Variants in ACTR3B observed in about 807,000 individuals in gnomAD.
ACTR3B encodes actin related protein 3B.
Under a neutral mutation model 59.0 loss-of-function variants are expected in ACTR3B, and 8 were observed. The ratio of observed to expected loss-of-function variants is 0.14; its 90% CI spans 0.08 to 0.24. ACTR3B has a LOEUF of 0.24. ACTR3B is among the 10% of genes least tolerant of loss of function. The pLI is 1.00. For synonymous variants in ACTR3B, 148 were observed against 197.9 expected, an observed-to-expected ratio of 0.75 and a Z score of 2.12; for missense variants, 245 against 552.3, an observed-to-expected ratio of 0.44 and a Z score of 5.58.
At chr7:152,787,410 T>A (rs1166180124) in intron 2 of ACTR3B, among the ~76,000 whole-genome samples, 1 of 152,112 alleles carries the variant, frequency 6.6e-6, no homozygotes, top group East Asian at 1.9e-4. Context: ...ATGACATTTT[T>A]AAAAATTATC....
At chr7:152,841,711 T>C (rs911075705) in intron 9 of ACTR3B, among the ~76,000 whole-genome samples, 4 of 152,184 alleles carry the variant, frequency 2.6e-5, no homozygotes, top group African/African-American at 7.2e-5. Flanking sequence ...TTACAGAACA[T>C]TGAGAAATGA....
chr7:152,822,860 T>A (rs541071892), intron 7 of ACTR3B, among the ~76,000 whole-genome samples: 31 of 152,328 alleles, frequency 2.0e-4, no homozygotes, highest in African/African-American at 7.5e-4. Context: ...CCACCCGGCT[T>A]GTGGCGTGCT....
chr7:152,803,170 T>TG lies in ACTR3B; in HGVS notation c.336+1440dup, dbSNP rs2098242175. ...AGTTGATCCTCCCACCTCAACCACC[T>TG]GAGTAGCTCGGACCACAGGTAGAAG... On this transcript the variant is annotated intron_variant, in intron 4 of 11. Transcript: ENST00000256001. Among the ~76,000 whole-genome samples the TG allele has an allele frequency of 3.3e-5, 5 of 152,194 alleles. No individual in the cohort carries two copies. In the South Asian group the frequency reaches 1.0e-3, roughly 31 times the overall value.
intron 2 of ACTR3B, among the ~76,000 whole-genome samples, chr7:152,796,874 T>G (rs10228113): frequency 0.088 from 7,725 of 87,556 alleles, 174 homozygotes; most frequent in African/African-American, 0.21. Flanking sequence ...TTTTTTTTTT[T>G]TTTTTTTTTT....
At chr7:152,792,961 T>C (rs530060419) in intron 2 of ACTR3B, among the ~76,000 whole-genome samples, 2 of 151,748 alleles carry the variant, frequency 1.3e-5, no homozygotes, top group African/African-American at 4.8e-5. Flanking sequence ...AATGTTGTGG[T>C]ACCTTTTTTT....
At chr7:152,780,014 C>A (rs1233496079) in intron 1 of ACTR3B, among the ~76,000 whole-genome samples, 1 of 152,122 alleles carries the variant, frequency 6.6e-6, no homozygotes, top group Non-Finnish European at 1.5e-5. Flanking sequence ...AAAATAACGT[C>A]AGTTCTGCTA....
chr7:152,829,910 T>C (rs1796890776), intron 9 of ACTR3B, among the ~76,000 whole-genome samples: 1 of 152,192 alleles, frequency 6.6e-6, no homozygotes, highest in Non-Finnish European at 1.5e-5. Flanking sequence ...CTTGAGTACC[T>C]ACTAGGTACA....
chr7:152,760,553 C>T (rs898970385), intron 1 of ACTR3B, among the ~76,000 whole-genome samples: 1 of 152,218 alleles, frequency 6.6e-6, no homozygotes, highest in Non-Finnish European at 1.5e-5. Context: ...ACACTCAGGC[C>T]AAGCTGTCCC....
At chr7:152,812,694 G>A (rs1795365905) in intron 4 of ACTR3B, 1 of 148,356 alleles carries the variant, frequency 6.7e-6, no homozygotes, top group African/African-American at 2.5e-5. Context: ...TGACACTGTG[G>A]CCAGATATAG....
intron 10 of ACTR3B, among the ~76,000 whole-genome samples, chr7:152,853,033 CAT>C (rs1798950747): frequency 6.6e-6 from 1 of 152,088 alleles, no homozygotes; most frequent in South Asian, 2.1e-4. Flanking sequence ...CCTTGTGATC[CAT>C]GCGCCTCGGC....
chr7:152,833,219 A>G (rs548677367), intron 9 of ACTR3B, among the ~76,000 whole-genome samples: 29 of 152,212 alleles, frequency 1.9e-4, no homozygotes, highest in Non-Finnish European at 3.1e-4. Context: ...TAATCCTTGT[A>G]AGAAATTTGC....
At chr7:152,789,098 G>T (rs1389739656) in intron 2 of ACTR3B, among the ~76,000 whole-genome samples, 1 of 151,288 alleles carries the variant, frequency 6.6e-6, no homozygotes, top group Non-Finnish European at 1.5e-5. Context: ...CCTTACACTC[G>T]TACACAGAGG....
At chr7:152,849,388 A>G (rs893046480) in intron 9 of ACTR3B, among the ~76,000 whole-genome samples, 3 of 152,198 alleles carry the variant, frequency 2.0e-5, no homozygotes, top group Admixed American at 6.5e-5. Context: ...GGGTGGCCTC[A>G]GAACCGCCCT....
chr7:152,792,444 T>C (rs1005374480), intron 2 of ACTR3B, among the ~76,000 whole-genome samples: 17 of 151,370 alleles, frequency 1.1e-4, no homozygotes, highest in African/African-American at 3.6e-4. Flanking sequence ...TATTTATTTA[T>C]TTTTTTTTAA....
intron 1 of ACTR3B, among the ~76,000 whole-genome samples, chr7:152,764,218 G>A (rs1268267813): frequency 1.3e-5 from 2 of 151,920 alleles, no homozygotes; most frequent in African/African-American, 4.8e-5. Context: ...TGTTGGCCAG[G>A]CTGGTCTTGA....
intron 2 of ACTR3B, among the ~76,000 whole-genome samples, chr7:152,796,140 C>G (rs148140817): frequency 1.3e-5 from 2 of 152,174 alleles, no homozygotes; most frequent in East Asian, 3.9e-4. Context: ...CCACCGCGCC[C>G]GGCCTTAGCA....
chr7:152,760,492 A>G (rs1446637743), intron 1 of ACTR3B, among the ~76,000 whole-genome samples: 2 of 152,050 alleles, frequency 1.3e-5, no homozygotes, highest in African/African-American at 2.4e-5. Flanking sequence ...CGATCTCCCA[A>G]CTTGATACCA....
chr7:152,765,608 C>T (rs1407679924), intron 1 of ACTR3B, among the ~76,000 whole-genome samples: 1 of 151,868 alleles, frequency 6.6e-6, no homozygotes, highest in Non-Finnish European at 1.5e-5. Context: ...AAATCTTCAC[C>T]TTAATACTTT....
chr7:152,816,454 C>T (rs751426367), intron 5 of ACTR3B, 27 bp from the exon 6 acceptor site: 61 of 1,528,974 alleles, frequency 4.0e-5, no homozygotes, highest in Admixed American at 1.1e-4. Flanking sequence ...TTCCTATGTG[C>T]GAGCGGTTTT....
Sources: allele counts gnomAD v4.1 joint callset (sites outside exome capture counted in the v4.1 genomes callset), GRCh38; gene constraint gnomAD v4.1.1; transcripts MANE v1.5; gene names NCBI Gene and HGNC (gene_info 2026-07-23, HGNC 2026-07-21).